Variants in LRRC4C observed in about 807,000 individuals in gnomAD.
LRRC4C encodes the protein leucine-rich repeat-containing protein 4C.
A neutral mutation model predicts 33.6 loss-of-function variants in LRRC4C; 5 were observed. That is an observed-to-expected ratio of 0.15 (90% CI 0.08 to 0.31). The LOEUF (loss-of-function observed/expected upper bound fraction) is 0.31, where lower values mean the gene tolerates loss of function less well. LRRC4C is among the 10% of genes least tolerant of loss of function. The probability of loss-of-function intolerance (pLI) is 1.00; values close to 1 mark genes in which losing one functional copy is unlikely to be tolerated. For synonymous variants in LRRC4C, 329 were observed against 302.0 expected (o/e 1.09, Z -0.93); for missense variants, 560 against 796.7 (o/e 0.70, Z 3.58).
intron 1 of LRRC4C, among the ~76,000 whole-genome samples, chr11:41,294,230 G>C (rs943637595): frequency 1.3e-5 from 2 of 152,272 alleles, no homozygotes; most frequent in Middle Eastern, 3.4e-3. Flanking sequence ...CTAGGCTTTG[G>C]TCCAATGTTT....
At chr11:40,599,544 C>T (rs776888127) in intron 3 of LRRC4C, among the ~76,000 whole-genome samples, 5 of 152,074 alleles carry the variant, frequency 3.3e-5, no homozygotes, top group Non-Finnish European at 7.4e-5. Flanking sequence ...ATGTTTTTGC[C>T]TCTCTGAAAT....
intron 3 of LRRC4C, among the ~76,000 whole-genome samples, chr11:40,477,295 G>C (rs563771739): frequency 6.7e-6 from 1 of 150,366 alleles, no homozygotes; most frequent in Non-Finnish European, 1.5e-5. Context: ...CTGAGTTTGA[G>C]AGACAACATC....
At chr11:40,814,354 C>T (rs1951619396) in intron 2 of LRRC4C, among the ~76,000 whole-genome samples, 1 of 152,076 alleles carries the variant, frequency 6.6e-6, no homozygotes, top group Non-Finnish European at 1.5e-5. Flanking sequence ...TACCTTGGCT[C>T]CTTTTAGCCA....
chr11:40,154,500 A>C (rs550625022), intron 5 of LRRC4C, among the ~76,000 whole-genome samples: 2 of 152,252 alleles, frequency 1.3e-5, no homozygotes, highest in East Asian at 1.9e-4. Flanking sequence ...AAATAAACTT[A>C]AAGTAAAGGG....
At chr11:40,638,078 T>A (rs1241767184) in intron 3 of LRRC4C, among the ~76,000 whole-genome samples, 2 of 152,208 alleles carry the variant, frequency 1.3e-5, no homozygotes, top group African/African-American at 4.8e-5. Context: ...TGACTGTCAT[T>A]TAAAATTGCA....
chr11:40,651,526 A>G (rs1014614268), intron 2 of LRRC4C, among the ~76,000 whole-genome samples: 10 of 152,304 alleles, frequency 6.6e-5, no homozygotes, highest in African/African-American at 2.4e-4. Context: ...AAAATTTAAT[A>G]AAGTATCCAT....
At chr11:40,946,415 T>A (rs1174580248) in intron 1 of LRRC4C, among the ~76,000 whole-genome samples, 1 of 152,200 alleles carries the variant, frequency 6.6e-6, no homozygotes, top group Non-Finnish European at 1.5e-5. Context: ...TGTATCTTTT[T>A]AGTAGAACAA....
At chr11:40,292,508 C>T (rs1380819010) in intron 4 of LRRC4C, 2 of 152,138 alleles carry the variant, frequency 1.3e-5, no homozygotes, top group Admixed American at 6.5e-5. Context: ...AACACCACCA[C>T]ACCAGTTCTT....
At chr11:41,284,642 ATT>A (rs1049058841) in intron 1 of LRRC4C, among the ~76,000 whole-genome samples, 1 of 152,194 alleles carries the variant, frequency 6.6e-6, no homozygotes, top group Non-Finnish European at 1.5e-5. Context: ...AGACAGCTGC[ATT>A]TTTATTCTGT....
At chr11:40,136,417 C>A (rs1313716832) in intron 6 of LRRC4C, among the ~76,000 whole-genome samples, 1 of 151,442 alleles carries the variant, frequency 6.6e-6, no homozygotes, top group Non-Finnish European at 1.5e-5. Context: ...CAGGCACCTG[C>A]CACCATGCCC....
chr11:41,230,171 C>T (rs944652336), intron 1 of LRRC4C, among the ~76,000 whole-genome samples: 21 of 152,038 alleles, frequency 1.4e-4, no homozygotes, highest in African/African-American at 4.6e-4. Flanking sequence ...AGTCTACTTC[C>T]AATGTTTCAA....
chr11:40,943,998 T>C (rs911446463), intron 1 of LRRC4C, among the ~76,000 whole-genome samples: 3 of 152,152 alleles, frequency 2.0e-5, no homozygotes, highest in Non-Finnish European at 2.9e-5. Context: ...GTTTCCTTAA[T>C]TGGAATAGGA....
At chr11:40,259,485 C>A (rs1175294999) in intron 4 of LRRC4C, among the ~76,000 whole-genome samples, 1 of 151,840 alleles carries the variant, frequency 6.6e-6, no homozygotes, top group Non-Finnish European at 1.5e-5. Flanking sequence ...AAGTCCTTGC[C>A]CATGCCTATG....
chr11:40,202,304 GTT>G (rs950934978), intron 5 of LRRC4C, among the ~76,000 whole-genome samples: 1 of 140,436 alleles, frequency 7.1e-6, no homozygotes, highest in African/African-American at 2.6e-5. Flanking sequence ...TTTTGTTTTT[GTT>G]TTTTTTTAAT....
At chr11:40,585,197 C>T (rs1040928539) in intron 3 of LRRC4C, among the ~76,000 whole-genome samples, 2 of 152,060 alleles carry the variant, frequency 1.3e-5, no homozygotes, top group Admixed American at 6.6e-5. Context: ...TGAAGGAGCA[C>T]AGTGTAGTGG....
chr11:40,452,202 C>A (rs1306716568), intron 3 of LRRC4C, among the ~76,000 whole-genome samples: 1 of 152,126 alleles, frequency 6.6e-6, no homozygotes, highest in Non-Finnish European at 1.5e-5. Flanking sequence ...AACTAAAGAG[C>A]TTCTGCACAG....
chr11:41,359,401 G>T (rs546740681), intron 1 of LRRC4C, among the ~76,000 whole-genome samples: 5 of 151,966 alleles, frequency 3.3e-5, no homozygotes, highest in African/African-American at 1.2e-4. Context: ...TGTACTACTC[G>T]AGGGGGATGT....
At chr11:40,740,340 T>C (rs1948096383) in intron 2 of LRRC4C, among the ~76,000 whole-genome samples, 1 of 152,070 alleles carries the variant, frequency 6.6e-6, no homozygotes, top group African/African-American at 2.4e-5. Context: ...TTTTGTCTTC[T>C]TGATAGCAGC....
rs369452733 is a variant in LRRC4C at position 41,378,696 on chromosome 11, G to C, written c.-496+80735C>G. On this transcript the variant is annotated intron_variant, in intron 1 of 6. Coordinates refer to ENST00000528697, the MANE Select transcript of LRRC4C (RefSeq NM_001258419.2). ...CTCTAAACAGGTTATACTAAATGTA[G>C]TCTAACCTTTTAAATGATTCCTATG... 7.2e-5 allele frequency among the ~76,000 whole-genome samples: 11 copies of C among 152,200 alleles called. No homozygotes were observed. In the South Asian group the frequency reaches 2.3e-3, roughly 32 times the overall value.
Sources: gnomAD v4.1 joint callset for allele counts (sites outside exome capture counted in the v4.1 genomes callset) on GRCh38, gnomAD v4.1.1 for gene constraint, MANE v1.5 for transcripts, NCBI Gene and HGNC (gene_info 2026-07-23, HGNC 2026-07-21) for gene names.